ESRRG: variants seen among roughly 807,000 people sequenced by gnomAD.
ESRRG encodes estrogen related receptor gamma.
ESRRG carries 13 observed loss-of-function variants against 44.0 expected under a neutral mutation model. The ratio of observed to expected loss-of-function variants is 0.30; its 90% CI spans 0.19 to 0.47. The LOEUF (loss-of-function observed/expected upper bound fraction) is 0.47, where lower values mean the gene tolerates loss of function less well. Among genes scored for constraint, ESRRG ranks in the 20% least tolerant of loss-of-function variants. The probability of loss-of-function intolerance (pLI) is 1.00; values close to 1 mark genes in which losing one functional copy is unlikely to be tolerated. For synonymous variants in ESRRG, 215 were observed against 214.6 expected (o/e 1.00, Z -0.02); for missense variants, 395 against 580.6 (o/e 0.68, Z 3.29).
At chr1:216,519,122 A>C in intron 6 of ESRRG, 30 bp downstream of exon 6, 1 of 1,597,002 alleles carries the variant, frequency 6.3e-7, no homozygotes, top group Non-Finnish European at 8.5e-7. Context: ...ATTAAAAAAA[A>C]TGTAACAATG....
chr1:216,760,014 C>T (rs72739413), intron 2 of ESRRG, among the ~76,000 whole-genome samples: 1,576 of 152,182 alleles, frequency 0.01, 15 homozygotes, highest in Middle Eastern at 0.024. Flanking sequence ...CATCCCTAAA[C>T]GGGGTAAGTG....
Position 216,677,208 on chromosome 1 carries a change from T to G in ESRRG, c.340A>C (p.Thr114Pro), listed in dbSNP as rs909475660. ...GAGTTGAGCATGTATTCACACTTGGTCTGGGGATCTTCAACAATGGTGCTG... is the reference window on the plus strand; with the variant it reads ...GAGTTGAGCATGTATTCACACTTGGGCTGGGGATCTTCAACAATGGTGCTG... ...CSSTIVEDPQTKCEYMLNSMP... is the reference protein window; with the variant it reads ...CSSTIVEDPQPKCEYMLNSMP... The change falls in exon 2 of 7, where the codon ACC becomes CCC. Residue 114 changes from threonine to proline, a missense_variant. Physicochemically the swap from Thr to Pro is conservative, Grantham distance 38. Transcript: ENST00000408911. 1 of 1,614,050 alleles carries G rather than the reference T, an allele frequency of 6.2e-7. No individual in the cohort carries two copies. The highest frequency in any genetic ancestry group is 8.5e-7 in the Non-Finnish European group (1 of 1,180,022).
chr1:217,025,738 T>A (rs1383495469), intron 1 of ESRRG, among the ~76,000 whole-genome samples: 1 of 152,160 alleles, frequency 6.6e-6, no homozygotes, highest in Non-Finnish European at 1.5e-5. Context: ...AAGTCAAATG[T>A]CCTGAAAACT....
intron 2 of ESRRG, among the ~76,000 whole-genome samples, chr1:216,933,902 C>G (rs1345816574): frequency 2.0e-5 from 3 of 152,152 alleles, no homozygotes; most frequent in Non-Finnish European, 4.4e-5. Flanking sequence ...CATCTTCCCT[C>G]CACTGACCCC....
intron 1 of ESRRG, among the ~76,000 whole-genome samples, chr1:217,063,829 T>G (rs974835310): frequency 2.0e-5 from 3 of 152,156 alleles, no homozygotes; most frequent in Non-Finnish European, 4.4e-5. Flanking sequence ...AATCTGCGTT[T>G]TAATGAGTAT....
intron 1 of ESRRG, among the ~76,000 whole-genome samples, chr1:217,120,827 C>T (rs1385405539): frequency 6.6e-6 from 1 of 152,104 alleles, no homozygotes; most frequent in African/African-American, 2.4e-5. Context: ...AAAATTGTAC[C>T]ATTTTTTTCA....
chr1:216,517,686 C>A (rs2044755749), intron 6 of ESRRG, among the ~76,000 whole-genome samples: 1 of 152,104 alleles, frequency 6.6e-6, no homozygotes, highest in South Asian at 2.1e-4. Flanking sequence ...GAAGTCCATA[C>A]AAACTAATAA....
chr1:216,582,026 T>C (rs1211409960), intron 3 of ESRRG, among the ~76,000 whole-genome samples: 1 of 152,238 alleles, frequency 6.6e-6, no homozygotes, highest in Non-Finnish European at 1.5e-5. Flanking sequence ...ATTTAGAACT[T>C]ACTCTTTTAT....
chr1:216,775,412 A>G (rs1407356278), intron 2 of ESRRG, among the ~76,000 whole-genome samples: 2 of 152,002 alleles, frequency 1.3e-5, no homozygotes, highest in Non-Finnish European at 2.9e-5. Flanking sequence ...CTGTTCAATA[A>G]GCACCTCAAA....
chr1:216,871,476 T>C (rs879360130), intron 2 of ESRRG, among the ~76,000 whole-genome samples: 26 of 152,170 alleles, frequency 1.7e-4, no homozygotes, highest in Admixed American at 1.6e-3. Context: ...TCTAAAAATA[T>C]CAATTAGATT....
At chr1:216,987,874 A>G (rs2075116345) in intron 1 of ESRRG, among the ~76,000 whole-genome samples, 1 of 152,174 alleles carries the variant, frequency 6.6e-6, no homozygotes, top group South Asian at 2.1e-4. Context: ...TGATCGACAG[A>G]AGAGTTAGTA....
At chr1:216,917,158 C>CTTT (rs534545705) in intron 2 of ESRRG, among the ~76,000 whole-genome samples, 100 of 130,630 alleles carry the variant, frequency 7.7e-4, no homozygotes, top group African/African-American at 2.7e-3. Flanking sequence ...AATAGACTTT[C>CTTT]TTTTTTTTTT....
chr1:216,956,229 A>T (rs2067924671), intron 1 of ESRRG, among the ~76,000 whole-genome samples: 1 of 151,914 alleles, frequency 6.6e-6, no homozygotes. Flanking sequence ...GTGGCGAGGG[A>T]TAGGGATACA....
At chr1:216,613,377 C>T (rs1378814055) in intron 3 of ESRRG, among the ~76,000 whole-genome samples, 7 of 152,092 alleles carry the variant, frequency 4.6e-5, no homozygotes, top group Admixed American at 3.9e-4. Context: ...TTTTTTAAAG[C>T]GCCAAACACA....
At chr1:216,995,876 ATTCTAGTGTTTTCTT>A (rs1320736908) in intron 1 of ESRRG, among the ~76,000 whole-genome samples, 1 of 152,162 alleles carries the variant, frequency 6.6e-6, no homozygotes, top group Non-Finnish European at 1.5e-5. Flanking sequence ...TCCTGATCCC[ATTCTAGTGTTTTCTT>A]TCTTGCCATT....
At chr1:217,067,936 G>T (rs1018417133) in intron 1 of ESRRG, among the ~76,000 whole-genome samples, 2 of 152,136 alleles carry the variant, frequency 1.3e-5, no homozygotes, top group Admixed American at 6.5e-5. Context: ...ATGAAAGAAT[G>T]TTGCACCATC....
rs556563793 is a variant in ESRRG, at chr1:216,504,912, C to G, written c.*2027G>C. On this transcript the variant is annotated 3_prime_UTR_variant, in exon 7 of 7. Transcript: ENST00000408911. ...TATTACTGGTAAGGAATAGAATATA[C>G]TACTGTAGTCTCCTGAGGAATTGTA... The G allele has an allele frequency of 6.6e-6, 1 of 152,620 alleles. No individual in the cohort carries two copies. Among genetic ancestry groups the G allele is most frequent in the Non-Finnish European group, 1.5e-5 (1 of 68,014 alleles). The allele number at this position is 152,620 out of a possible 1,614,324, so 9.5% of individuals were successfully genotyped here.
intron 2 of ESRRG, among the ~76,000 whole-genome samples, chr1:216,826,540 G>A (rs1375852330): frequency 2.6e-5 from 4 of 152,066 alleles, no homozygotes; most frequent in Non-Finnish European, 5.9e-5. Context: ...CAATATTATT[G>A]AATATAATGA....
intron 2 of ESRRG, among the ~76,000 whole-genome samples, chr1:216,845,400 G>A (rs571686094): frequency 6.6e-6 from 1 of 152,010 alleles, no homozygotes; most frequent in South Asian, 2.1e-4. Context: ...ACATTGATAG[G>A]GTATAATTTA....
Sources: allele counts gnomAD v4.1 joint callset (sites outside exome capture counted in the v4.1 genomes callset), GRCh38; gene constraint gnomAD v4.1.1; transcripts MANE v1.5; gene names NCBI Gene and HGNC (gene_info 2026-07-23, HGNC 2026-07-21).